The following OTULINL variants were observed in gnomAD, a reference collection of about 807,000 sequenced individuals.
The protein encoded by OTULINL is inactive ubiquitin thioesterase OTULINL.
Under a neutral mutation model 43.9 loss-of-function variants are expected in OTULINL, and 42 were observed. The observed-to-expected ratio is 0.96, with a 90% CI of 0.75 to 1.24. OTULINL has a LOEUF of 1.24. OTULINL is among the 50% of genes most tolerant of loss of function. OTULINL has a pLI of 0.00. For missense variants in OTULINL, 411 were observed against 426.4 expected, an observed-to-expected ratio of 0.96 and a Z score of 0.32; for synonymous variants, 172 against 153.6, an observed-to-expected ratio of 1.12 and a Z score of -0.88.
chr5:14,615,075 T>A lies in OTULINL; in HGVS notation c.*4761T>A. ...CGAGTATAAATTTAAAACAGAAACA[T>A]CAAGGTGTCAGCAATCATGATTTTG... On this transcript the variant is annotated 3_prime_UTR_variant, in exon 8 of 8. Transcript: ENST00000274217. The A allele has an allele frequency of 8.4e-6, 2 of 236,976 alleles. No homozygotes were observed. The highest frequency in any genetic ancestry group is 8.1e-6 in the Non-Finnish European group (1 of 124,128). 14.7% of individuals were successfully genotyped at this position (236,976 alleles called of 1,614,324 possible).
rs1759571747 is a variant in OTULINL, at chr5:14,610,983, T to A, written c.*669T>A. ...ATCTCTTTACTTTTTTTGTTACTAT[T>A]TTATCTGGCCAGCTTAATAGTTTTA... On this transcript the variant is annotated 3_prime_UTR_variant, in exon 8 of 8. Transcript: ENST00000274217. 1 of 152,216 alleles carries A rather than the reference T, an allele frequency of 6.6e-6. No homozygotes were observed. The highest frequency in any genetic ancestry group is 2.1e-4 in the South Asian group (1 of 4,832). The allele number at this position is 152,216 out of a possible 1,614,324, so 9.4% of individuals were successfully genotyped here.
chr5:14,587,864 GTTTGAAT>G (rs1415117257), intron 1 of OTULINL, among the ~76,000 whole-genome samples: 1 of 152,110 alleles, frequency 6.6e-6, no homozygotes, highest in Non-Finnish European at 1.5e-5. Flanking sequence ...TGATTCATTT[GTTTGAAT>G]TTTGAATTTT....
At chr5:14,605,064 C>G (rs1759450293) in intron 5 of OTULINL, among the ~76,000 whole-genome samples, 1 of 152,232 alleles carries the variant, frequency 6.6e-6, no homozygotes, top group Non-Finnish European at 1.5e-5. Context: ...GCTGCCCTAG[C>G]AGAGGTTCTC....
chr5:14,595,736 C>T (rs113241818), intron 1 of OTULINL, among the ~76,000 whole-genome samples: 14 of 120,398 alleles, frequency 1.2e-4, no homozygotes, highest in South Asian at 5.7e-4. Context: ...ATTTTAGTTT[C>T]TGATATTCAC....
rs1759523975 is a variant in OTULINL at position 14,608,831 on chromosome 5, T to C, written c.711T>C (p.Tyr237=). The stretch of plus-strand genomic sequence containing the variant: ...TTTTTTCAGATGCCATTCTGGAATA[T>C]AAACTTTATGAAGCTTTAAAGTTCA... ...NTLFSDAILE[Y]KLYEALKFIM... The change falls in exon 7 of 8, where the codon TAT becomes TAC. Residue 237 remains tyrosine, a synonymous_variant. Coordinates refer to ENST00000274217, the MANE Select transcript of OTULINL (RefSeq NM_019018.3). The C allele has an allele frequency of 1.9e-6, 3 of 1,613,902 alleles. No homozygotes were observed. The highest frequency in any genetic ancestry group is 2.7e-5 in the African/African-American group (2 of 74,942).
At chr5:14,601,463 T>C (rs776745082) in intron 4 of OTULINL, 21 bp downstream of exon 4, 1 of 1,588,536 alleles carries the variant, frequency 6.3e-7, no homozygotes, top group East Asian at 2.2e-5. Flanking sequence ...TTTTAGAGGG[T>C]ATGGGAGAAA....
intron 5 of OTULINL, among the ~76,000 whole-genome samples, chr5:14,605,906 T>C (rs1759466975): frequency 6.6e-6 from 1 of 152,220 alleles, no homozygotes. Flanking sequence ...TCCAAACTTT[T>C]CCACGTTTTC....
At chr5:14,604,431 T>G (rs543361584) in intron 5 of OTULINL, among the ~76,000 whole-genome samples, 5 of 152,286 alleles carry the variant, frequency 3.3e-5, no homozygotes, top group East Asian at 1.9e-4. Context: ...ATCTCACATC[T>G]TCACATTTCA....
intron 1 of OTULINL, among the ~76,000 whole-genome samples, chr5:14,588,018 G>T (rs1252462468): frequency 6.6e-6 from 1 of 152,142 alleles, no homozygotes; most frequent in Non-Finnish European, 1.5e-5. Flanking sequence ...TAGCCTTTGG[G>T]TCGACAGGTT....
intron 1 of OTULINL, among the ~76,000 whole-genome samples, chr5:14,585,349 G>GTTT (rs1194386359): frequency 6.6e-6 from 1 of 151,880 alleles, no homozygotes; most frequent in South Asian, 2.1e-4. Flanking sequence ...TGATTTTGTT[G>GTTT]TTGTTGTTTT....
chr5:14,592,958 C>G (rs956274614), intron 1 of OTULINL, among the ~76,000 whole-genome samples: 13 of 152,322 alleles, frequency 8.5e-5, no homozygotes, highest in Admixed American at 8.5e-4. Flanking sequence ...CATTCTCCAA[C>G]TTCGTTTAGC....
At chr5:14,599,535 A>G (rs907517397) in intron 1 of OTULINL, among the ~76,000 whole-genome samples, 3 of 152,194 alleles carry the variant, frequency 2.0e-5, no homozygotes, top group Non-Finnish European at 2.9e-5. Context: ...TTTGCTGGCA[A>G]ATTATTTCTT....
chr5:14,600,143 G>T (rs914439781), intron 1 of OTULINL, among the ~76,000 whole-genome samples: 6 of 152,142 alleles, frequency 3.9e-5, no homozygotes, highest in African/African-American at 1.4e-4. Context: ...CATGGGGGTG[G>T]TTACCCTCAT....
In OTULINL at chr5:14,581,854, C is replaced by A. The variant is rs1269305948; in HGVS notation, c.-41C>A. On this transcript the variant is annotated 5_prime_UTR_variant, in exon 1 of 8. Coordinates refer to ENST00000274217, the MANE Select transcript of OTULINL (RefSeq NM_019018.3). ...GTCGCGTCTGACAGACCACTGCAGA[C>A]CACGGGCCGAGGCCCAGCGCCCGTC... 1.4e-6 allele frequency: 2 copies of A among 1,382,596 alleles called. No individual in the cohort carries two copies. The highest frequency in any genetic ancestry group is 1.9e-6 in the Non-Finnish European group (2 of 1,068,832). 85.6% of individuals were successfully genotyped at this position (1,382,596 alleles called of 1,614,324 possible).
At chr5:14,587,268 A>C (rs1269561216) in intron 1 of OTULINL, among the ~76,000 whole-genome samples, 1 of 152,180 alleles carries the variant, frequency 6.6e-6, no homozygotes, top group Non-Finnish European at 1.5e-5. Flanking sequence ...GTTAAGAAAG[A>C]CTGGGTGCTG....
At chr5:14,596,939 A>G (rs903745412) in intron 1 of OTULINL, among the ~76,000 whole-genome samples, 2 of 152,066 alleles carry the variant, frequency 1.3e-5, no homozygotes, top group African/African-American at 4.8e-5. Flanking sequence ...CAAAGGCCCC[A>G]CCTCCAATCA....
intron 5 of OTULINL, among the ~76,000 whole-genome samples, chr5:14,606,115 T>C (rs1005916681): frequency 2.0e-5 from 3 of 152,182 alleles, no homozygotes; most frequent in African/African-American, 7.2e-5. Context: ...TAACTGGACT[T>C]AGAGACAGTT....
chr5:14,585,077 G>C (rs886916022), intron 1 of OTULINL, among the ~76,000 whole-genome samples: 2 of 152,138 alleles, frequency 1.3e-5, no homozygotes, highest in Non-Finnish European at 2.9e-5. Context: ...GCTGAGAATC[G>C]TGACCTTATT....
At chr5:14,606,621 C>T (rs960132167) in intron 5 of OTULINL, among the ~76,000 whole-genome samples, 3 of 152,104 alleles carry the variant, frequency 2.0e-5, no homozygotes, top group South Asian at 2.1e-4. Context: ...TAATCCATGC[C>T]GGTTAAGTAA....
Sources: gnomAD v4.1 joint callset for allele counts (sites outside exome capture counted in the v4.1 genomes callset) on GRCh38, gnomAD v4.1.1 for gene constraint, MANE v1.5 for transcripts, NCBI Gene and HGNC (gene_info 2026-07-23, HGNC 2026-07-21) for gene names.